The following SHC4 variants were observed in gnomAD, a reference collection of about 807,000 sequenced individuals.
SHC4 encodes the protein SHC-transforming protein 4.
SHC4 carries 41 observed loss-of-function variants against 69.4 expected under a neutral mutation model. The observed-to-expected ratio is 0.59, with a 90% CI of 0.46 to 0.77. SHC4 has a LOEUF of 0.77. Ranked by LOEUF, SHC4 falls within the 30% of genes least tolerant of loss-of-function variation. The pLI is 0.00. For synonymous variants in SHC4, 318 were observed against 299.3 expected, an observed-to-expected ratio of 1.06 and a Z score of -0.64; for missense variants, 777 against 783.8, an observed-to-expected ratio of 0.99 and a Z score of 0.10.
intron 4 of SHC4, chr15:48,879,041 C>G (rs1595743056): frequency 3.6e-6 from 1 of 280,718 alleles, no homozygotes; most frequent in East Asian, 7.0e-5. Flanking sequence ...GGGAAAATAT[C>G]TTTCATATTT....
chr15:48,844,973 A>G (rs1048415795), intron 9 of SHC4, among the ~76,000 whole-genome samples: 10 of 152,334 alleles, frequency 6.6e-5, no homozygotes, highest in South Asian at 2.1e-4. Flanking sequence ...ACATATGAAT[A>G]CAACCTCCAA....
intron 2 of SHC4, among the ~76,000 whole-genome samples, chr15:48,912,549 C>T (rs1024383108): frequency 6.6e-6 from 1 of 152,212 alleles, no homozygotes; most frequent in Non-Finnish European, 1.5e-5. Context: ...TGGTCCCTCC[C>T]TGATTAGCTT....
chr15:48,923,214 C>T (rs1187801531), intron 2 of SHC4, among the ~76,000 whole-genome samples: 6 of 152,152 alleles, frequency 3.9e-5, no homozygotes, highest in Non-Finnish European at 8.8e-5. Context: ...ATGTACATTT[C>T]TGTTATACGA....
At chr15:48,889,708 G>A (rs1270920575) in intron 3 of SHC4, among the ~76,000 whole-genome samples, 1 of 152,176 alleles carries the variant, frequency 6.6e-6, no homozygotes, top group Non-Finnish European at 1.5e-5. Context: ...GCCGGGTGTG[G>A]TGGCGGGCTC....
chr15:48,915,008 T>C (rs1163866597), intron 2 of SHC4, among the ~76,000 whole-genome samples: 10 of 152,252 alleles, frequency 6.6e-5, no homozygotes. Flanking sequence ...TATGATTGTA[T>C]ATCTTCTTCA....
chr15:48,874,552 T>C (rs183996082), intron 4 of SHC4, among the ~76,000 whole-genome samples: 1 of 152,286 alleles, frequency 6.6e-6, no homozygotes, highest in Non-Finnish European at 1.5e-5. Context: ...TGAACCCTAT[T>C]GTGAACTACA....
rs559737641 is a variant in SHC4 at position 48,894,265 on chromosome 15, G to C, written c.657-3454C>G. ...GCTTGTAAACTATGGCTTGGTTTTAGGTGCTTTTTTTGTGGTTTGCTATTT... is the reference window on the plus strand; with the variant it reads ...GCTTGTAAACTATGGCTTGGTTTTACGTGCTTTTTTTGTGGTTTGCTATTT... On this transcript the variant is annotated intron_variant, in intron 2 of 11. Transcript: ENST00000332408. Among the ~76,000 whole-genome samples the C allele has an allele frequency of 1.4e-3, 209 of 152,220 alleles. 1 individual carries two copies. Among genetic ancestry groups the C allele is most frequent in the South Asian group, 5.0e-3 (24 of 4,828 alleles).
chr15:48,907,524 A>G (rs1410008420), intron 2 of SHC4, among the ~76,000 whole-genome samples: 1 of 151,930 alleles, frequency 6.6e-6, no homozygotes, highest in African/African-American at 2.4e-5. Context: ...AGCAGTATAC[A>G]CTGCACCATA....
rs148319068 is a variant in SHC4 at position 48,936,322 on chromosome 15, T to C, written c.586-11373A>G. Reference sequence around the variant, plus strand: ...TCATTATAACGATGGAACCTTCTAATAGTAAGTTGTGTGTTCTGTTTGCTC... The same window carrying C: ...TCATTATAACGATGGAACCTTCTAACAGTAAGTTGTGTGTTCTGTTTGCTC... On this transcript the variant is annotated intron_variant, in intron 1 of 11. Transcript: ENST00000332408. Among the ~76,000 whole-genome samples the C allele has an allele frequency of 5.4e-3, 822 of 152,336 alleles. 6 individuals are homozygous for C. Among genetic ancestry groups the C allele is most frequent in the African/African-American group, 0.019 (788 of 41,580 alleles).
At chr15:48,909,493 T>C (rs1900469322) in intron 2 of SHC4, among the ~76,000 whole-genome samples, 1 of 152,128 alleles carries the variant, frequency 6.6e-6, no homozygotes, top group Admixed American at 6.5e-5. Context: ...TCTCATATCG[T>C]CAGCAAGCAG....
intron 11 of SHC4, among the ~76,000 whole-genome samples, chr15:48,832,017 T>G (rs375120967): frequency 6.6e-6 from 1 of 152,244 alleles, no homozygotes; most frequent in African/African-American, 2.4e-5. Context: ...ACGCCTATAA[T>G]CCCAGCACTT....
chr15:48,904,632 C>T (rs1440881868), intron 2 of SHC4, among the ~76,000 whole-genome samples: 1 of 152,064 alleles, frequency 6.6e-6, no homozygotes, highest in Non-Finnish European at 1.5e-5. Flanking sequence ...AATCCCAGCA[C>T]TTTGGGAGGC....
chr15:48,917,116 G>A (rs1304069311), intron 2 of SHC4, among the ~76,000 whole-genome samples: 1 of 152,092 alleles, frequency 6.6e-6, no homozygotes, highest in Admixed American at 6.5e-5. Context: ...TTTGATGCAG[G>A]TTCCCACCTA....
At chr15:48,934,685 A>G (rs1459942890) in intron 1 of SHC4, among the ~76,000 whole-genome samples, 4 of 152,236 alleles carry the variant, frequency 2.6e-5, no homozygotes, top group Non-Finnish European at 5.9e-5. Flanking sequence ...GCCAAAAGGT[A>G]GAAATAACCC....
At chr15:48,902,011 G>C (rs1181252967) in intron 2 of SHC4, among the ~76,000 whole-genome samples, 2 of 152,092 alleles carry the variant, frequency 1.3e-5, no homozygotes, top group African/African-American at 2.4e-5. Context: ...AGAGCAGACT[G>C]TGCAACATGG....
Position 48,824,808 on chromosome 15 carries a change from G to C in SHC4, c.*1163C>G, listed in dbSNP as rs1392642142. On this transcript the variant is annotated 3_prime_UTR_variant, in exon 12 of 12. Transcript: ENST00000332408. The stretch of plus-strand genomic sequence containing the variant: ...GGAACCCAAACAGATTCAGCAACTT[G>C]CTGAAGGTCACACTGGTAAGACTCA... 6.6e-6 allele frequency: 1 copy of C among 152,618 alleles called. No individual in the cohort carries two copies. The highest frequency in any genetic ancestry group is 1.9e-4 in the East Asian group (1 of 5,194). 9.5% of individuals were successfully genotyped at this position (152,618 alleles called of 1,614,324 possible).
At chr15:48,944,814 C>T (rs1156829929) in intron 1 of SHC4, among the ~76,000 whole-genome samples, 1 of 152,188 alleles carries the variant, frequency 6.6e-6, no homozygotes, top group African/African-American at 2.4e-5. Context: ...AGTTCAGCAG[C>T]TCTTAAATAG....
At chr15:48,925,868 G>A (rs1900845851) in intron 1 of SHC4, among the ~76,000 whole-genome samples, 1 of 152,126 alleles carries the variant, frequency 6.6e-6, no homozygotes, top group Non-Finnish European at 1.5e-5. Flanking sequence ...GGAAGGACGG[G>A]ACAGATTCAA....
intron 9 of SHC4, among the ~76,000 whole-genome samples, chr15:48,847,571 TG>T (rs1288068071): frequency 6.6e-6 from 1 of 152,238 alleles, no homozygotes; most frequent in Non-Finnish European, 1.5e-5. Context: ...CGGAGGCTAC[TG>T]AAAATATTTC....
Sources: allele counts gnomAD v4.1 joint callset (sites outside exome capture counted in the v4.1 genomes callset), GRCh38; gene constraint gnomAD v4.1.1; transcripts MANE v1.5; gene names NCBI Gene and HGNC (gene_info 2026-07-23, HGNC 2026-07-21).